Variants in PCDH9 observed in about 807,000 individuals in gnomAD.
PCDH9 encodes protocadherin 9.
A neutral mutation model predicts 70.6 loss-of-function variants in PCDH9; 24 were observed. The observed-to-expected ratio is 0.34, with a 90% CI of 0.25 to 0.48. The LOEUF (loss-of-function observed/expected upper bound fraction) is 0.48, where lower values mean the gene tolerates loss of function less well. Ranked by LOEUF, PCDH9 falls within the 20% of genes least tolerant of loss-of-function variation. The pLI is 0.99. For missense variants in PCDH9, 1,281 were observed against 1,503.6 expected, an observed-to-expected ratio of 0.85 and a Z score of 2.45; for synonymous variants, 562 against 558.5, an observed-to-expected ratio of 1.01 and a Z score of -0.09.
intron 2 of PCDH9, among the ~76,000 whole-genome samples, chr13:66,969,190 T>C (rs1315448115): frequency 3.9e-5 from 6 of 152,044 alleles, no homozygotes; most frequent in African/African-American, 1.4e-4. Context: ...GATTTGATTT[T>C]TGATTTTTTT....
At chr13:66,470,615 G>T (rs551235198) in intron 4 of PCDH9, among the ~76,000 whole-genome samples, 2 of 151,394 alleles carry the variant, frequency 1.3e-5, no homozygotes, top group African/African-American at 2.4e-5. Context: ...TGTTGTCTAT[G>T]ATGAGGTACA....
intron 3 of PCDH9, among the ~76,000 whole-genome samples, chr13:66,695,114 A>G (rs762608364): frequency 4.6e-5 from 7 of 152,128 alleles, no homozygotes; most frequent in Non-Finnish European, 8.8e-5. Flanking sequence ...CGTGTTAGCC[A>G]GGATGGTCTC....
rs9529099 is a variant in PCDH9 at position 66,577,639 on chromosome 13, C to A, written c.3340+53571G>T. Among the ~76,000 whole-genome samples the A allele has an allele frequency of 6.3e-3, 959 of 151,742 alleles. 10 individuals are homozygous for A. The highest frequency in any genetic ancestry group is 0.022 in the African/African-American group (904 of 41,402). ...ACTTTTGTACCCCACTCCCCGCCCC[C>A]CTAACACACACAAATTGAAATAGAA... On this transcript the variant is annotated intron_variant, in intron 4 of 4. Transcript: ENST00000377865.
intron 2 of PCDH9, among the ~76,000 whole-genome samples, chr13:67,174,138 A>G (rs1373383380): frequency 6.6e-6 from 1 of 152,160 alleles, no homozygotes; most frequent in East Asian, 1.9e-4. Context: ...TTGTGGGGAA[A>G]TTAAAAATCC....
intron 4 of PCDH9, among the ~76,000 whole-genome samples, chr13:66,322,765 T>G (rs1955777721): frequency 6.6e-6 from 1 of 152,030 alleles, no homozygotes; most frequent in Non-Finnish European, 1.5e-5. Context: ...TAATTAGTAT[T>G]TATTGGACAT....
chr13:67,165,514 C>T (rs1594600455), intron 2 of PCDH9, among the ~76,000 whole-genome samples: 1 of 152,028 alleles, frequency 6.6e-6, no homozygotes, highest in African/African-American at 2.4e-5. Context: ...TGATATTGCT[C>T]CATTTTATAA....
chr13:67,141,598 G>A (rs1278696570), intron 2 of PCDH9, among the ~76,000 whole-genome samples: 1 of 151,834 alleles, frequency 6.6e-6, no homozygotes, highest in Admixed American at 6.6e-5. Context: ...CTGCCACCAC[G>A]CCCAGCTAAT....
intron 2 of PCDH9, among the ~76,000 whole-genome samples, chr13:67,087,164 G>T (rs1190745535): frequency 6.7e-6 from 1 of 149,516 alleles, no homozygotes; most frequent in Non-Finnish European, 1.5e-5. Context: ...AGATCTCTTT[G>T]CATGGTTTCA....
chr13:66,490,631 T>C (rs1429111783), intron 4 of PCDH9, among the ~76,000 whole-genome samples: 2 of 152,184 alleles, frequency 1.3e-5, no homozygotes, highest in Non-Finnish European at 2.9e-5. Context: ...TTAACTGTTT[T>C]TAATAGGTGA....
intron 2 of PCDH9, among the ~76,000 whole-genome samples, chr13:67,047,591 C>G (rs921971769): frequency 6.6e-6 from 1 of 152,096 alleles, no homozygotes; most frequent in Non-Finnish European, 1.5e-5. Flanking sequence ...GCGGTTTCAC[C>G]ATGAGACATT....
At chr13:66,521,374 C>A (rs1488975916) in intron 4 of PCDH9, among the ~76,000 whole-genome samples, 3 of 152,074 alleles carry the variant, frequency 2.0e-5, no homozygotes, top group African/African-American at 7.2e-5. Flanking sequence ...GTAGTTTCTG[C>A]CACATGATGC....
chr13:66,697,458 T>C (rs2078579503), intron 3 of PCDH9, among the ~76,000 whole-genome samples: 1 of 152,214 alleles, frequency 6.6e-6, no homozygotes, highest in Non-Finnish European at 1.5e-5. Flanking sequence ...TATAACGCCA[T>C]ATTCTATATT....
chr13:67,226,099 G>A lies in PCDH9; in HGVS notation c.2342C>T (p.Ala781Val). 3.1e-6 allele frequency: 5 copies of A among 1,614,060 alleles called. No individual in the cohort carries two copies. Among genetic ancestry groups the A allele is most frequent in the Non-Finnish European group, 8.5e-7 (1 of 1,179,966 alleles). The change falls in exon 2 of 5, where the codon GCC becomes GTC. Residue 781 changes from alanine to valine, a missense_variant. Physicochemically the swap from Ala to Val is moderately conservative, Grantham distance 64 (BLOSUM62 0). Coordinates refer to ENST00000377865, the MANE Select transcript of PCDH9 (RefSeq NM_203487.3). The surrounding 1 kb of genome is among the most constrained non-coding windows in gnomAD (Gnocchi z 5.0). The stretch of plus-strand genomic sequence containing the variant: ...GCGGATCAAGTCATAGATATAGGAG[G>A]CATTTCCAGCAGTGTCGTTAACATA... ...FLYVNDTAGN[A>V]SYIYDLIRRT...
At chr13:67,216,706 A>ATATATATATATATATATATATATG (rs2089613891) in intron 2 of PCDH9, 1 of 141,834 alleles carries the variant, frequency 7.1e-6, no homozygotes, top group Non-Finnish European at 1.5e-5. Flanking sequence ...ATATATATAT[A>ATATATATATATATATATATATATG]TGGATATATA....
At chr13:67,040,261 G>A (rs2139905225) in intron 2 of PCDH9, among the ~76,000 whole-genome samples, 1 of 152,208 alleles carries the variant, frequency 6.6e-6, no homozygotes, top group Non-Finnish European at 1.5e-5. Context: ...GTCTTTGGGA[G>A]ATGATTTATT....
intron 2 of PCDH9, among the ~76,000 whole-genome samples, chr13:67,042,413 G>A (rs988280179): frequency 2.6e-5 from 4 of 152,042 alleles, no homozygotes; most frequent in East Asian, 1.9e-4. Context: ...AGCAAAGGGC[G>A]AAGAGCCCCT....
chr13:66,450,354 T>C (rs1468325826), intron 4 of PCDH9, among the ~76,000 whole-genome samples: 1 of 152,202 alleles, frequency 6.6e-6, no homozygotes, highest in African/African-American at 2.4e-5. Context: ...CATATGGACA[T>C]GAGAAAGCAT....
intron 3 of PCDH9, among the ~76,000 whole-genome samples, chr13:66,714,505 A>C (rs370170629): frequency 6.6e-6 from 1 of 151,944 alleles, no homozygotes; most frequent in South Asian, 2.1e-4. Context: ...TTTTATAGGA[A>C]TGAAGAGCAG....
chr13:66,556,875 T>C (rs1439979413), intron 4 of PCDH9, among the ~76,000 whole-genome samples: 4 of 152,080 alleles, frequency 2.6e-5, no homozygotes, highest in Non-Finnish European at 1.5e-5. Context: ...GAACAAAACC[T>C]AAGAATCTAA....
Sources: allele counts gnomAD v4.1 joint callset (sites outside exome capture counted in the v4.1 genomes callset), GRCh38; gene constraint gnomAD v4.1.1; non-coding constraint Gnocchi (gnomAD v3.1); transcripts MANE v1.5; gene names NCBI Gene and HGNC (gene_info 2026-07-23, HGNC 2026-07-21).